Variants in PAN3 observed in about 807,000 individuals in gnomAD.
PAN3 encodes the protein poly(A) specific ribonuclease subunit PAN3.
In PAN3, 19 loss-of-function variants were observed where a neutral mutation model predicts 96.2. The observed-to-expected ratio is 0.20, with a 90% CI of 0.14 to 0.29. The LOEUF (loss-of-function observed/expected upper bound fraction) is 0.29. Ranked by LOEUF, PAN3 falls within the 10% of genes least tolerant of loss-of-function variation. PAN3 has a pLI of 1.00. For synonymous variants in PAN3, 433 were observed against 406.6 expected (o/e 1.06, Z -0.78); for missense variants, 882 against 1,108.1 (o/e 0.80, Z 2.90).
chr13:28,139,193 C>T (rs1048605721), intron 1 of PAN3, 106 bp downstream of exon 1: 11 of 1,189,774 alleles, frequency 9.2e-6, no homozygotes, highest in Middle Eastern at 6.3e-4. Context: ...GGCTCCCCCC[C>T]TCACCTCCCA....
chr13:28,249,966 A>G (rs1029031097), intron 6 of PAN3, among the ~76,000 whole-genome samples: 2 of 152,184 alleles, frequency 1.3e-5, no homozygotes, highest in African/African-American at 4.8e-5. Context: ...CTAGTGACAA[A>G]CCTTAAACAT....
chr13:28,156,013 T>C (rs1158572702), intron 1 of PAN3, among the ~76,000 whole-genome samples: 1 of 152,154 alleles, frequency 6.6e-6, no homozygotes, highest in Non-Finnish European at 1.5e-5. Flanking sequence ...TATGATAAGA[T>C]CTGTGTTTTA....
chr13:28,230,600 G>A (rs1882443388), intron 6 of PAN3, among the ~76,000 whole-genome samples: 1 of 152,152 alleles, frequency 6.6e-6, no homozygotes, highest in African/African-American at 2.4e-5. Context: ...TGTTGTTAAT[G>A]TTAGATAAAT....
At chr13:28,154,030 A>G (rs1437835326) in intron 1 of PAN3, among the ~76,000 whole-genome samples, 3 of 152,238 alleles carry the variant, frequency 2.0e-5, no homozygotes, top group African/African-American at 7.2e-5. Flanking sequence ...CTTGGCATAG[A>G]TCTCAAACTA....
intron 13 of PAN3, 128 bp downstream of exon 13, chr13:28,270,994 A>G: frequency 1.0e-6 from 1 of 1,004,430 alleles, no homozygotes; most frequent in Non-Finnish European, 1.4e-6. Flanking sequence ...TGTAACTTTG[A>G]ATTCATTTGT....
At chr13:28,213,367 G>A (rs192138103) in intron 5 of PAN3, among the ~76,000 whole-genome samples, 44 of 152,224 alleles carry the variant, frequency 2.9e-4, no homozygotes, top group Admixed American at 1.2e-3. Flanking sequence ...AAAAACCACC[G>A]TAGTGATAGC....
In PAN3 at chr13:28,266,824, C is replaced by T. The variant is rs577141316; in HGVS notation, c.1521C>T (p.Tyr507=). The change falls in exon 10 of 19, where the codon TAC becomes TAT. Residue 507 remains tyrosine, a synonymous_variant. Transcript: ENST00000380958. ...ATTTTGGATATATTACATCTTGCTA[C>T]AAAGCTGTAAACAGCAAAGATGATC... ...SSNFGYITSC[Y]KAVNSKDDLP... is the part of the protein sequence containing the mutation. 1 of 1,610,942 alleles carries T rather than the reference C, an allele frequency of 6.2e-7. No individual in the cohort carries two copies. Among genetic ancestry groups the T allele is most frequent in the South Asian group, 1.1e-5 (1 of 90,604 alleles).
chr13:28,197,051 A>G, intron 4 of PAN3, 134 bp from the exon 5 acceptor site: 1 of 1,096,522 alleles, frequency 9.1e-7, no homozygotes, highest in Non-Finnish European at 1.2e-6. Flanking sequence ...GGTGGTAAGG[A>G]TATTAGAAGG....
At chr13:28,214,778 T>G in intron 5 of PAN3, 2 of 589,138 alleles carry the variant, frequency 3.4e-6, no homozygotes, top group Non-Finnish European at 6.2e-6. Context: ...CTACATGACT[T>G]AGCATTGATG....
At chr13:28,221,268 T>A (rs1881378594) in intron 6 of PAN3, among the ~76,000 whole-genome samples, 1 of 152,070 alleles carries the variant, frequency 6.6e-6, no homozygotes, top group Non-Finnish European at 1.5e-5. Context: ...GTATCTTATG[T>A]TTGTCGAATG....
At chr13:28,284,091 C>T (rs1209936234) in intron 17 of PAN3, among the ~76,000 whole-genome samples, 2 of 152,190 alleles carry the variant, frequency 1.3e-5, no homozygotes, top group Non-Finnish European at 2.9e-5. Context: ...ACTATAATTT[C>T]ATAGCTATTG....
chr13:28,145,045 G>A (rs1345600152), intron 1 of PAN3, among the ~76,000 whole-genome samples: 1 of 152,068 alleles, frequency 6.6e-6, no homozygotes, highest in African/African-American at 2.4e-5. Context: ...ATGCCATTTT[G>A]AGGAATTTTT....
intron 7 of PAN3, among the ~76,000 whole-genome samples, chr13:28,257,719 TA>T (rs1566234968): frequency 1.6e-4 from 18 of 112,908 alleles, no homozygotes; most frequent in South Asian, 5.1e-4. Context: ...TATATATAAT[TA>T]ATATATATTA....
chr13:28,192,103 TGGCACCATCTCAGCTCACTGCAGC>T (rs528582025), intron 4 of PAN3, among the ~76,000 whole-genome samples: 47 of 147,216 alleles, frequency 3.2e-4, no homozygotes, highest in East Asian at 1.4e-3. Flanking sequence ...TGGAGTGCAG[TGGCACCATCTCAGCTCACTGCAGC>T]GGCACCATCT....
chr13:28,197,026 T>G (rs1878136648), intron 4 of PAN3, among the ~76,000 whole-genome samples, 159 bp from the exon 5 acceptor site: 1 of 151,890 alleles, frequency 6.6e-6, no homozygotes, highest in African/African-American at 2.4e-5. Flanking sequence ...GGTGCAGGGG[T>G]GGGAGGTGGT....
intron 4 of PAN3, among the ~76,000 whole-genome samples, chr13:28,192,058 T>C (rs1486294959): frequency 2.0e-5 from 3 of 150,272 alleles, no homozygotes; most frequent in African/African-American, 7.4e-5. Flanking sequence ...CTTTTTTTTT[T>C]TTTTTTTTTG....
At chr13:28,171,643 G>A (rs555854709) in intron 1 of PAN3, among the ~76,000 whole-genome samples, 1 of 152,322 alleles carries the variant, frequency 6.6e-6, no homozygotes, top group African/African-American at 2.4e-5. Flanking sequence ...AGATGAAAAG[G>A]TAGAACAAGG....
At chr13:28,202,548 T>C (rs1878857642) in intron 5 of PAN3, among the ~76,000 whole-genome samples, 1 of 152,194 alleles carries the variant, frequency 6.6e-6, no homozygotes, top group African/African-American at 2.4e-5. Context: ...GAACCATTGT[T>C]AACTGAGCCT....
rs757583105 is a variant in PAN3, at chr13:28,267,341, A to C, written c.1732A>C (p.Met578Leu). 4 of 1,613,772 alleles carry C rather than the reference A, an allele frequency of 2.5e-6. No individual in the cohort carries two copies. The highest frequency in any genetic ancestry group is 2.5e-6 in the Non-Finnish European group (3 of 1,179,852). The change falls in exon 12 of 19, where the codon ATG becomes CTG. Residue 578 changes from methionine to leucine, a missense_variant. By Grantham distance (15) the Met-to-Leu change is conservative. Coordinates refer to ENST00000380958, the MANE Select transcript of PAN3 (RefSeq NM_175854.8). ...AYDFHAGGETMMSRHFNDPNA... is the reference protein window; with the variant it reads ...AYDFHAGGETLMSRHFNDPNA... ...TGATTTCCATGCTGGAGGAGAAACT[A>C]TGATGAGCAGACACTTTAATGACCC...
Sources: gnomAD v4.1 joint callset for allele counts (sites outside exome capture counted in the v4.1 genomes callset) on GRCh38, gnomAD v4.1.1 for gene constraint, MANE v1.5 for transcripts, NCBI Gene and HGNC (gene_info 2026-07-23, HGNC 2026-07-21) for gene names.